The following DNAJC6 variants were observed in gnomAD, a reference collection of about 807,000 sequenced individuals.
The protein encoded by DNAJC6 is DnaJ heat shock protein family (Hsp40) member C6.
DNAJC6 carries 34 observed loss-of-function variants against 110.0 expected under a neutral mutation model. The observed-to-expected ratio is 0.31, with a 90% confidence interval of 0.24 to 0.41. The LOEUF is 0.41. Ranked by LOEUF, DNAJC6 falls within the 10% of genes least tolerant of loss-of-function variation. DNAJC6 has a pLI of 1.00. For missense variants in DNAJC6, 1,031 were observed against 1,207.8 expected (o/e 0.85, Z 2.17); for synonymous variants, 406 against 437.2 (o/e 0.93, Z 0.89).
rs965859274 is a variant in DNAJC6 at position 65,376,115 on chromosome 1, G to C, written c.544-3287G>C. Among the ~76,000 whole-genome samples the C allele has an allele frequency of 4.2e-4, 64 of 152,044 alleles. 1 individual carries two copies. The highest frequency in any genetic ancestry group is 1.9e-4 in the Non-Finnish European group (13 of 68,012). ...TCTATTTCTTCATGGTTCAATCTTG[G>C]TAGGTTGTATGTGTCCAGGCATTTA... On this transcript the variant is annotated intron_variant, in intron 4 of 18. Coordinates refer to ENST00000371069, the MANE Select transcript of DNAJC6 (RefSeq NM_001256864.2).
intron 1 of DNAJC6, among the ~76,000 whole-genome samples, chr1:65,294,118 A>G (rs1253349710): frequency 6.6e-6 from 1 of 152,368 alleles, no homozygotes; most frequent in South Asian, 2.1e-4. Flanking sequence ...AGAAAATGAT[A>G]ATGGTTAAGA....
At chr1:65,378,708 G>A (rs1020939316) in intron 4 of DNAJC6, among the ~76,000 whole-genome samples, 3 of 152,232 alleles carry the variant, frequency 2.0e-5, no homozygotes, top group Non-Finnish European at 4.4e-5. Context: ...CTGGGCTGCA[G>A]TGCTGACGCT....
At chr1:65,376,639 T>C (rs1645769148) in intron 4 of DNAJC6, among the ~76,000 whole-genome samples, 1 of 151,850 alleles carries the variant, frequency 6.6e-6, no homozygotes. Flanking sequence ...CTTCATTGAC[T>C]CATTGGTTGT....
chr1:65,298,510 T>G (rs1644947872), intron 1 of DNAJC6, among the ~76,000 whole-genome samples: 1 of 152,180 alleles, frequency 6.6e-6, no homozygotes, highest in Admixed American at 6.5e-5. Context: ...AATCTGATAG[T>G]TACTTCCCCC....
chr1:65,350,159 T>C (rs1435768651), intron 1 of DNAJC6, among the ~76,000 whole-genome samples: 2 of 152,192 alleles, frequency 1.3e-5, no homozygotes, highest in Non-Finnish European at 2.9e-5. Context: ...TAGACTCTGC[T>C]TACATGATGG....
intron 17 of DNAJC6, among the ~76,000 whole-genome samples, chr1:65,409,736 T>C (rs1646111091): frequency 6.6e-6 from 1 of 152,188 alleles, no homozygotes; most frequent in Non-Finnish European, 1.5e-5. Flanking sequence ...TCTTCCCCAT[T>C]GTCTCCCTCT....
chr1:65,296,506 C>T (rs1644929911), intron 1 of DNAJC6, among the ~76,000 whole-genome samples: 1 of 151,754 alleles, frequency 6.6e-6, no homozygotes, highest in South Asian at 2.1e-4. Flanking sequence ...TCATTGGGTG[C>T]TAAACAGCGT....
intron 15 of DNAJC6, among the ~76,000 whole-genome samples, chr1:65,402,398 A>C (rs1646038973): frequency 6.6e-6 from 1 of 152,194 alleles, no homozygotes; most frequent in African/African-American, 2.4e-5. Context: ...TTTTCACCAT[A>C]TGTTAATAGA....
At chr1:65,302,090 T>G (rs1275026291) in intron 1 of DNAJC6, among the ~76,000 whole-genome samples, 1 of 54,722 alleles carries the variant, frequency 1.8e-5, no homozygotes, top group Non-Finnish European at 2.9e-5. Flanking sequence ...ATTATATATA[T>G]TATATATATA....
chr1:65,298,023 C>A (rs769039719), intron 1 of DNAJC6, among the ~76,000 whole-genome samples: 1 of 115,846 alleles, frequency 8.6e-6, no homozygotes, highest in Non-Finnish European at 1.8e-5. Flanking sequence ...GCTCCCCCTA[C>A]GTGCCAAATC....
At chr1:65,319,691 G>C (rs1217351444) in intron 1 of DNAJC6, among the ~76,000 whole-genome samples, 1 of 152,052 alleles carries the variant, frequency 6.6e-6, no homozygotes, top group Non-Finnish European at 1.5e-5. Context: ...AATTCTCAGG[G>C]ACTTTCTTGT....
chr1:65,296,651 G>A (rs989837512), intron 1 of DNAJC6, among the ~76,000 whole-genome samples: 10 of 148,068 alleles, frequency 6.8e-5, no homozygotes, highest in African/African-American at 2.2e-4. Flanking sequence ...GCAGTGGCGC[G>A]ATCTTAGCTC....
At chr1:65,355,264 C>CAAAAAA (rs58338708) in intron 1 of DNAJC6, among the ~76,000 whole-genome samples, 46 of 84,012 alleles carry the variant, frequency 5.5e-4, no homozygotes, top group African/African-American at 7.2e-4. Context: ...CACCCTGTCT[C>CAAAAAA]AAAAAAAAAA....
At chr1:65,356,762 G>T (rs1645547875) in intron 1 of DNAJC6, among the ~76,000 whole-genome samples, 1 of 151,974 alleles carries the variant, frequency 6.6e-6, no homozygotes, top group African/African-American at 2.4e-5. Context: ...TGGGGAGTTG[G>T]TGGGGGGAAG....
At chr1:65,292,173 C>T (rs1202465107) in intron 1 of DNAJC6, among the ~76,000 whole-genome samples, 1 of 151,926 alleles carries the variant, frequency 6.6e-6, no homozygotes, top group African/African-American at 2.4e-5. Flanking sequence ...CCTGCCACCA[C>T]ACCTGGCTAA....
In DNAJC6 at chr1:65,276,757, T is replaced by C. The variant is rs551276765; in HGVS notation, c.-131+11825T>C. ...AGGAATATCTGAAGGAGAAAACTCCTGTCAGGCTGTGAGTTACTCTAGGAT... is the reference window on the plus strand; with the variant it reads ...AGGAATATCTGAAGGAGAAAACTCCCGTCAGGCTGTGAGTTACTCTAGGAT... On this transcript the variant is annotated intron_variant, in intron 1 of 19. Transcript: ENST00000263441. 1.4e-4 allele frequency among the ~76,000 whole-genome samples: 22 copies of C among 152,346 alleles called. No homozygotes were observed. The East Asian group carries it at 1.5e-3, about 11-fold the overall frequency.
At chr1:65,315,978 A>G (rs10789180) in intron 1 of DNAJC6, among the ~76,000 whole-genome samples, 111,693 of 152,104 alleles carry the variant, frequency 0.73, 41,039 homozygotes, top group East Asian at 0.83. Context: ...CTTAAATATA[A>G]AGAATTTAAA....
intron 12 of DNAJC6, among the ~76,000 whole-genome samples, chr1:65,394,111 A>G (rs376134824): frequency 6.6e-5 from 10 of 152,302 alleles, no homozygotes; most frequent in Admixed American, 3.9e-4. Context: ...TCAGTACTCG[A>G]TAATTGCATT....
intron 1 of DNAJC6, among the ~76,000 whole-genome samples, chr1:65,337,156 A>G (rs980692462): frequency 6.8e-6 from 1 of 146,494 alleles, no homozygotes; most frequent in African/African-American, 2.5e-5. Flanking sequence ...TCAGACTTAC[A>G]TTCAGATTAG....
Sources: allele counts gnomAD v4.1 joint callset (sites outside exome capture counted in the v4.1 genomes callset), GRCh38; gene constraint gnomAD v4.1.1; transcripts MANE v1.5; gene names NCBI Gene and HGNC (gene_info 2026-07-23, HGNC 2026-07-21).